Variants in TTF1 observed in about 807,000 individuals in gnomAD.
The protein encoded by TTF1 is transcription termination factor 1, also known as transcription termination factor, RNA polymerase I.
A neutral mutation model predicts 80.2 loss-of-function variants in TTF1; 64 were observed. That is an observed-to-expected ratio of 0.80 (90% CI 0.65 to 0.98). TTF1 has a LOEUF of 0.98. TTF1 is among the 50% of genes least tolerant of loss of function. The pLI, the probability that TTF1 is intolerant of heterozygous loss-of-function variation, is 0.00. For synonymous variants in TTF1, 372 were observed against 382.7 expected, an observed-to-expected ratio of 0.97 and a Z score of 0.33; for missense variants, 1,023 against 1,086.2, an observed-to-expected ratio of 0.94 and a Z score of 0.82.
At chr9:132,394,095 G>A (rs1344847144) in intron 5 of TTF1, among the ~76,000 whole-genome samples, 1 of 151,290 alleles carries the variant, frequency 6.6e-6, no homozygotes, top group East Asian at 2.0e-4. Flanking sequence ...TGTATTTTTT[G>A]TAGAGCCACG....
chr9:132,388,337 C>A, intron 7 of TTF1, 109 bp from the exon 8 acceptor site: 1 of 695,330 alleles, frequency 1.4e-6, no homozygotes, highest in Non-Finnish European at 2.2e-6. Flanking sequence ...CAACTTCTAA[C>A]TTTTCTTTTT....
At chr9:132,376,277 T>C in intron 10 of TTF1, 109 bp from the exon 11 acceptor site, 1 of 1,223,146 alleles carries the variant, frequency 8.2e-7, no homozygotes, top group South Asian at 1.6e-5. Flanking sequence ...TTGTTATTGC[T>C]GTGTGTAAGG....
chr9:132,396,351 C>A (rs1400457784), intron 5 of TTF1, 82 bp downstream of exon 5: 1 of 1,362,958 alleles, frequency 7.3e-7, no homozygotes, highest in African/African-American at 1.4e-5. Context: ...TACTGCTAAT[C>A]CACTGCTGTG....
In TTF1 at chr9:132,401,524, A is replaced by G; in HGVS notation, c.1298T>C (p.Val433Ala). ...EGDGAMMEEG[V>A]KSRPRQKKTQ... Reference sequence around the variant, plus strand: ...TTTCTTTTGTCGGGGCCTAGATTTCACACCTTCTTCCATCATGGCGCCATC... The same window carrying G: ...TTTCTTTTGTCGGGGCCTAGATTTCGCACCTTCTTCCATCATGGCGCCATC... The change falls in exon 2 of 11, where the codon GTG becomes GCG. Residue 433 changes from valine to alanine, a missense_variant. Val to Ala is a moderately conservative substitution (Grantham distance 64). Transcript: ENST00000334270. 6.2e-7 allele frequency: 1 copy of G among 1,614,108 alleles called. No homozygotes were observed. Among genetic ancestry groups the G allele is most frequent in the Admixed American group, 1.7e-5 (1 of 60,018 alleles).
chr9:132,384,779 C>T lies in TTF1; in HGVS notation c.2378+1777G>A, dbSNP rs543736301. On this transcript the variant is annotated intron_variant, in intron 9 of 10. Transcript: ENST00000334270. This position sits in a 1 kb window ranked among gnomAD's most constrained non-coding sequence, Gnocchi z 4.1. ...TCAAGCGATTCTCCTGCCTCAGCCT[C>T]CTGAGTAGCTGGGACTACAGGCACC... Among the ~76,000 whole-genome samples, 3 of 152,254 alleles carry T rather than the reference C, an allele frequency of 2.0e-5. No individual in the cohort carries two copies. The highest frequency in any genetic ancestry group is 6.5e-5 in the Admixed American group (1 of 15,284).
At chr9:132,378,548 GGT>G (rs1479878352) in intron 10 of TTF1, among the ~76,000 whole-genome samples, 1 of 106,742 alleles carries the variant, frequency 9.4e-6, no homozygotes, top group African/African-American at 4.1e-5. Context: ...GAGTGCATGT[GGT>G]GTGTGAATGC....
intron 1 of TTF1, among the ~76,000 whole-genome samples, chr9:132,403,774 G>A (rs528670384): frequency 5.3e-5 from 8 of 152,226 alleles, no homozygotes; most frequent in African/African-American, 1.7e-4. Flanking sequence ...GACTCCATTC[G>A]AGTGCAGGAT....
In TTF1 at chr9:132,397,852, G is replaced by C. The variant is rs1252804433; in HGVS notation, c.1777+289C>G. Among the ~76,000 whole-genome samples, 6 of 152,222 alleles carry C rather than the reference G, an allele frequency of 3.9e-5. No individual in the cohort carries two copies. The East Asian group carries it at 1.2e-3, about 29-fold the overall frequency. On this transcript the variant is annotated intron_variant, in intron 4 of 10. Transcript: ENST00000334270. Reference sequence around the variant, plus strand: ...ATACAAAAAATTAGCTGGGCGTGGTGGTGGGCACCTGTAGTCCCAGCTACT... The same window carrying C: ...ATACAAAAAATTAGCTGGGCGTGGTCGTGGGCACCTGTAGTCCCAGCTACT...
Position 132,405,487 on chromosome 9 carries a change from C to T in TTF1, c.-8+1303G>A, listed in dbSNP as rs373374349. Among the ~76,000 whole-genome samples, 62 of 152,376 alleles carry T rather than the reference C, an allele frequency of 4.1e-4. 1 individual carries two copies. The highest frequency in any genetic ancestry group is 3.4e-3 in the Middle Eastern group (1 of 294). On this transcript the variant is annotated intron_variant, in intron 1 of 10. Coordinates refer to ENST00000334270, the MANE Select transcript of TTF1 (RefSeq NM_007344.4). ...CCTCTCAAAGCGCTGGGATTACAGG[C>T]GTAAGCCACAGCGCCCGGCCTTGAT...
At position 132,400,040 on chromosome 9, in the gene TTF1, G is replaced by C. The variant is rs758893939; in HGVS notation, c.1586C>G (p.Ala529Gly). ...CTAAGGCCCCACAAGCTCACCTTGT[G>C]CTTTAAATTCCTTAAACCGTTCCAA... ...DDLERFKEFK[A>G]QGVAIKFGKF... is the part of the protein sequence containing the mutation. The change falls in exon 3 of 11, where the codon GCA (alanine) becomes GGA (glycine). Residue 529 changes from alanine to glycine, a missense_variant. Transcript: ENST00000334270. 12 of 1,614,074 alleles carry C rather than the reference G, an allele frequency of 7.4e-6. No individual in the cohort carries two copies. The East Asian group carries it at 2.2e-4, about 30-fold the overall frequency.
intron 5 of TTF1, among the ~76,000 whole-genome samples, chr9:132,394,329 G>T (rs1328506196): frequency 6.6e-6 from 1 of 151,626 alleles, no homozygotes; most frequent in East Asian, 2.0e-4. Flanking sequence ...TCCCAGGCTG[G>T]AGTGCAGTGG....
At chr9:132,391,968 C>A (rs920095305) in intron 6 of TTF1, 108 bp downstream of exon 6, 8 of 1,511,164 alleles carry the variant, frequency 5.3e-6, no homozygotes, top group Middle Eastern at 2.5e-4. Context: ...AAAGCTCTTG[C>A]GGAAGACAGG....
chr9:132,396,632 A>T, intron 4 of TTF1, 121 bp from the exon 5 acceptor site: 2 of 754,638 alleles, frequency 2.7e-6, no homozygotes, highest in Non-Finnish European at 4.6e-6. Context: ...TAAGGCTGGG[A>T]TTTCCTACGT....
Position 132,399,984 on chromosome 9 carries a change from C to T in TTF1, c.1591+51G>A, listed in dbSNP as rs761816009. ...ATCATCCATAAAAGAAAGTTAGGTGCTAGCTCTGCATACAGGAAGTTCAAC... is the reference window on the plus strand; with the variant it reads ...ATCATCCATAAAAGAAAGTTAGGTGTTAGCTCTGCATACAGGAAGTTCAAC... On this transcript the variant is annotated intron_variant, in intron 3 of 10. Transcript: ENST00000334270. 19 of 1,583,938 alleles carry T rather than the reference C, an allele frequency of 1.2e-5. No homozygotes were observed. In the Middle Eastern group the frequency reaches 7.2e-4, roughly 60 times the overall value.
At position 132,402,625 on chromosome 9, in the gene TTF1, G is replaced by A; in HGVS notation, c.197C>T (p.Pro66Leu). The change falls in exon 2 of 11, where the codon CCT (proline) becomes CTT (leucine). Residue 66 changes from proline to leucine, a missense_variant. By Grantham distance (98) the Pro-to-Leu change is moderately conservative. Transcript: ENST00000334270. ...ATCACAGATTCTGGATTTTTTCAAA[G>A]GAGAAGAAATGAGATGCTGGAAATC... ...KKDFQHLISS[P>L]LKKSRICDET... The A allele has an allele frequency of 6.2e-7, 1 of 1,613,212 alleles. No individual in the cohort carries two copies. The highest frequency in any genetic ancestry group is 1.1e-5 in the South Asian group (1 of 90,880).
Position 132,384,408 on chromosome 9 carries a change from T to C in TTF1, c.2378+2148A>G, listed in dbSNP as rs911307431. On this transcript the variant is annotated intron_variant, in intron 9 of 10. Coordinates refer to ENST00000334270, the MANE Select transcript of TTF1 (RefSeq NM_007344.4). This position sits in a 1 kb window ranked among gnomAD's most constrained non-coding sequence, Gnocchi z 4.1. The stretch of plus-strand genomic sequence containing the variant: ...TGATAAAGAGCTGACATTAGAATAA[T>C]CACAAGATAGGGTCAACGCAATCAA... Among the ~76,000 whole-genome samples, 4 of 152,080 alleles carry C rather than the reference T, an allele frequency of 2.6e-5. No homozygotes were observed. Among genetic ancestry groups the C allele is most frequent in the Admixed American group, 2.6e-4 (4 of 15,254 alleles).
chr9:132,393,944 C>T (rs1209835644), intron 5 of TTF1, among the ~76,000 whole-genome samples: 3 of 149,440 alleles, frequency 2.0e-5, no homozygotes, highest in Non-Finnish European at 4.4e-5. Flanking sequence ...TTCTTTGAGA[C>T]AGGGTCTGGC....
At chr9:132,395,123 C>T (rs1056077171) in intron 5 of TTF1, among the ~76,000 whole-genome samples, 14 of 151,730 alleles carry the variant, frequency 9.2e-5, no homozygotes, top group Non-Finnish European at 1.6e-4. Context: ...ACCTGGGAGG[C>T]GGAGGTTGCA....
chr9:132,383,492 C>G (rs1849407362), intron 9 of TTF1, among the ~76,000 whole-genome samples: 1 of 152,020 alleles, frequency 6.6e-6, no homozygotes, highest in Admixed American at 6.6e-5. Context: ...AACCGTATTC[C>G]CTTGGAGGAG....
Sources: gnomAD v4.1 joint callset for allele counts (sites outside exome capture counted in the v4.1 genomes callset) on GRCh38, gnomAD v4.1.1 for gene constraint, Gnocchi (gnomAD v3.1) non-coding constraint, MANE v1.5 for transcripts, NCBI Gene and HGNC (gene_info 2026-07-23, HGNC 2026-07-21) for gene names.